The following NTM variants were observed in gnomAD, a reference collection of about 807,000 sequenced individuals.
The protein encoded by NTM is IgLON family member 2.
NTM carries 13 observed loss-of-function variants against 42.1 expected under a neutral mutation model. That is an observed-to-expected ratio of 0.31 (90% CI 0.20 to 0.49). The LOEUF (loss-of-function observed/expected upper bound fraction) is 0.49, where lower values mean the gene tolerates loss of function less well. Ranked by LOEUF, NTM falls within the 20% of genes least tolerant of loss-of-function variation. The pLI, the probability that NTM is intolerant of heterozygous loss-of-function variation, is 0.99. For synonymous variants in NTM, 187 were observed against 179.2 expected (o/e 1.04, Z -0.35); for missense variants, 373 against 452.8 (o/e 0.82, Z 1.60).
chr11:131,712,180 A>AC (rs1193606862), intron 1 of NTM, among the ~76,000 whole-genome samples: 2 of 146,434 alleles, frequency 1.4e-5, no homozygotes, highest in Non-Finnish European at 3.0e-5. Context: ...AATTAAAAAA[A>AC]AAAACAAAAA....
At chr11:132,236,947 A>AGGGGCCCAGATCCC (rs2089081688) in intron 4 of NTM, among the ~76,000 whole-genome samples, 1 of 152,160 alleles carries the variant, frequency 6.6e-6, no homozygotes, top group Admixed American at 6.5e-5. Context: ...AGGGGAGACC[A>AGGGGCCCAGATCCC]GGGGCCCAGA....
chr11:131,590,283 G>A (rs923563895), intron 1 of NTM, among the ~76,000 whole-genome samples: 22 of 152,162 alleles, frequency 1.4e-4, no homozygotes, highest in Admixed American at 5.9e-4. Flanking sequence ...CCATGGTGGG[G>A]GAGCAGGTGG....
intron 3 of NTM, among the ~76,000 whole-genome samples, chr11:132,194,436 T>C (rs2079841436): frequency 6.6e-6 from 1 of 152,000 alleles, no homozygotes; most frequent in Non-Finnish European, 1.5e-5. Flanking sequence ...TAAAAACCCC[T>C]CAACAAATTA....
At chr11:132,299,999 T>C (rs1192891600) in intron 4 of NTM, among the ~76,000 whole-genome samples, 3 of 152,238 alleles carry the variant, frequency 2.0e-5, no homozygotes, top group East Asian at 3.9e-4. Flanking sequence ...CAGCAGTTCT[T>C]ACCTGGGCTA....
Position 132,002,743 on chromosome 11 carries a change from A to G in NTM, c.167+91095A>G, listed in dbSNP as rs916579. Among the ~76,000 whole-genome samples, 68,173 of 151,924 alleles carry G rather than the reference A, an allele frequency of 0.45. 16,143 individuals carry two copies. Among genetic ancestry groups the G allele is most frequent in the East Asian group, 0.74 (3,834 of 5,172 alleles). ...CCTGGGTTTGAATTCAAGTTCTGCCACTTCCTTACTCTGTCTCTTTATCAA... is the reference window on the plus strand; with the variant it reads ...CCTGGGTTTGAATTCAAGTTCTGCCGCTTCCTTACTCTGTCTCTTTATCAA... On this transcript the variant is annotated intron_variant, in intron 2 of 8. Transcript: ENST00000683400. This position sits in a 1 kb window ranked among gnomAD's most constrained non-coding sequence, Gnocchi z 4.5.
chr11:131,911,529 C>T (rs776232711), intron 1 of NTM, 35 bp from the exon 2 acceptor site: 6 of 1,614,124 alleles, frequency 3.7e-6, no homozygotes, highest in Middle Eastern at 1.6e-4. Context: ...GCCTCGTGGT[C>T]GTGTCTCTCA....
intron 1 of NTM, among the ~76,000 whole-genome samples, chr11:131,849,199 A>T: frequency 6.6e-6 from 1 of 152,188 alleles, no homozygotes; most frequent in East Asian, 1.9e-4. Context: ...GAAAGACTGT[A>T]ATTTGAGCAC....
intron 1 of NTM, among the ~76,000 whole-genome samples, chr11:131,670,597 T>A (rs575795081): frequency 6.6e-6 from 1 of 152,182 alleles, no homozygotes; most frequent in South Asian, 2.1e-4. Context: ...GTAGTGGGGC[T>A]GGGGTGAGGC....
intron 1 of NTM, among the ~76,000 whole-genome samples, chr11:131,778,484 C>T (rs1280038979): frequency 6.6e-6 from 1 of 152,126 alleles, no homozygotes; most frequent in African/African-American, 2.4e-5. Context: ...TTTTTGCTTG[C>T]TATTATGAAT....
At position 131,794,418 on chromosome 11, in the gene NTM, G is replaced by A. The variant is rs543122305; in HGVS notation, c.83-117146G>A. ...AACTCACCTTCCATCTACATGCTCC[G>A]TAGTTTCTGTGTAAGCGAATGCTGT... On this transcript the variant is annotated intron_variant, in intron 1 of 8. Coordinates refer to ENST00000683400, the MANE Select transcript of NTM (RefSeq NM_001352005.2). 3.7e-5 allele frequency: 34 copies of A among 916,996 alleles called. 1 individual carries two copies. The highest frequency in any genetic ancestry group is 1.9e-4 in the Admixed American group (3 of 16,208). The allele number at this position is 916,996 out of a possible 1,614,324, so 56.8% of individuals were successfully genotyped here. A position where few individuals can be genotyped will look rare whatever the true frequency, so the allele number is the denominator to read the frequency against.
At chr11:132,059,216 A>G (rs1456578654) in intron 2 of NTM, among the ~76,000 whole-genome samples, 11 of 152,076 alleles carry the variant, frequency 7.2e-5, no homozygotes, top group Admixed American at 3.9e-4. Flanking sequence ...CTCTTTGTAG[A>G]GAGGAGCTTG....
At chr11:131,714,525 C>T (rs73591102) in intron 1 of NTM, among the ~76,000 whole-genome samples, 6,096 of 152,152 alleles carry the variant, frequency 0.04, 410 homozygotes, top group African/African-American at 0.14. Context: ...ACTCCCATTC[C>T]CTGGCGCTGG....
At chr11:131,817,206 C>T (rs1404126976) in intron 1 of NTM, among the ~76,000 whole-genome samples, 1 of 152,156 alleles carries the variant, frequency 6.6e-6, no homozygotes, top group Admixed American at 6.5e-5. Context: ...TTCTGAGTAC[C>T]TGTATCCCTA....
chr11:131,741,748 T>G (rs2081227874), intron 1 of NTM, among the ~76,000 whole-genome samples: 2 of 152,344 alleles, frequency 1.3e-5, no homozygotes, highest in South Asian at 4.1e-4. Flanking sequence ...TGTATTGTCA[T>G]AGACTGTATA....
At chr11:132,332,949 G>GCGGGAGA (rs1221833502) in intron 8 of NTM, among the ~76,000 whole-genome samples, 1 of 152,164 alleles carries the variant, frequency 6.6e-6, no homozygotes, top group African/African-American at 2.4e-5. Flanking sequence ...CAGGGAGGGA[G>GCGGGAGA]CGGGAGACGG....
intron 2 of NTM, among the ~76,000 whole-genome samples, chr11:132,043,365 G>A (rs1342251053): frequency 6.6e-6 from 1 of 152,168 alleles, no homozygotes; most frequent in African/African-American, 2.4e-5. Context: ...CTTAACAAAG[G>A]CCACTTTAAC....
At chr11:132,330,409 T>G (rs1264470780) in intron 8 of NTM, among the ~76,000 whole-genome samples, 4 of 152,168 alleles carry the variant, frequency 2.6e-5, no homozygotes, top group Non-Finnish European at 4.4e-5. Flanking sequence ...CTAACTTCTC[T>G]TTGCTGGTGG....
intron 2 of NTM, among the ~76,000 whole-genome samples, chr11:131,926,911 A>G (rs1475709539): frequency 6.6e-6 from 1 of 152,198 alleles, no homozygotes; most frequent in Non-Finnish European, 1.5e-5. Context: ...AAACGTTTAA[A>G]ATGTGCATGA....
At chr11:131,641,774 T>C (rs1043622663) in intron 1 of NTM, among the ~76,000 whole-genome samples, 1 of 150,604 alleles carries the variant, frequency 6.6e-6, no homozygotes, top group Non-Finnish European at 1.5e-5. Flanking sequence ...GTTCCCAGGC[T>C]GGAGTGCAGT....
Sources: gnomAD v4.1 joint callset for allele counts (sites outside exome capture counted in the v4.1 genomes callset) on GRCh38, gnomAD v4.1.1 for gene constraint, Gnocchi (gnomAD v3.1) non-coding constraint, MANE v1.5 for transcripts, NCBI Gene and HGNC (gene_info 2026-07-23, HGNC 2026-07-21) for gene names.